The following ZFYVE28 variants were observed in gnomAD, a reference collection of about 807,000 sequenced individuals.
ZFYVE28 encodes the protein zinc finger FYVE-type containing 28, also known as lateral signaling target protein 2 homolog.
In ZFYVE28, 40 loss-of-function variants were observed where a neutral mutation model predicts 82.1. The ratio of observed to expected loss-of-function variants is 0.49; its 90% CI spans 0.38 to 0.63. The LOEUF is 0.63. ZFYVE28 is among the 30% of genes least tolerant of loss of function. The pLI, the probability that ZFYVE28 is intolerant of heterozygous loss-of-function variation, is 0.00. For synonymous variants in ZFYVE28, 612 were observed against 546.1 expected (o/e 1.12, Z -1.68); for missense variants, 1,321 against 1,242.1 (o/e 1.06, Z -0.96).
At chr4:2,370,901 G>C (rs1263120339) in intron 1 of ZFYVE28, among the ~76,000 whole-genome samples, 1 of 152,222 alleles carries the variant, frequency 6.6e-6, no homozygotes, top group Non-Finnish European at 1.5e-5. Flanking sequence ...GTGTGTCTCG[G>C]ATCTTCCTGT....
chr4:2,354,993 C>T (rs1031331593), intron 1 of ZFYVE28, among the ~76,000 whole-genome samples: 9 of 151,136 alleles, frequency 6.0e-5, no homozygotes, highest in Non-Finnish European at 1.3e-4. Context: ...CCACCAAACA[C>T]GCAGGGGCTC....
At chr4:2,385,383 C>T (rs1480609512) in intron 1 of ZFYVE28, among the ~76,000 whole-genome samples, 1 of 152,182 alleles carries the variant, frequency 6.6e-6, no homozygotes, top group Admixed American at 6.5e-5. Context: ...GAGAGAGCAC[C>T]TGCTGCCCTT....
intron 6 of ZFYVE28, among the ~76,000 whole-genome samples, chr4:2,327,413 C>G (rs1047750784): frequency 6.6e-6 from 1 of 151,084 alleles, no homozygotes; most frequent in Admixed American, 6.6e-5. Context: ...ACTTTCAATA[C>G]TATATTTAAT....
intron 1 of ZFYVE28, among the ~76,000 whole-genome samples, chr4:2,382,764 T>C (rs74494736): frequency 0.021 from 3,153 of 152,270 alleles, 118 homozygotes; most frequent in African/African-American, 0.068. Context: ...AGTCCATTTT[T>C]AGGCTGCTGA....
At chr4:2,375,312 G>A (rs1728003859) in intron 1 of ZFYVE28, among the ~76,000 whole-genome samples, 1 of 152,184 alleles carries the variant, frequency 6.6e-6, no homozygotes, top group Non-Finnish European at 1.5e-5. Context: ...TGCATCAGTA[G>A]GGGGTTAAGT....
chr4:2,279,591 A>G (rs1300063754), intron 8 of ZFYVE28, among the ~76,000 whole-genome samples: 4 of 152,152 alleles, frequency 2.6e-5, no homozygotes, highest in African/African-American at 7.2e-5. Context: ...CATCCTGGCT[A>G]ACACGATGAA....
In ZFYVE28 at chr4:2,274,160, G is replaced by A. The variant is rs755853078; in HGVS notation, c.2108C>T (p.Ala703Val). ...SDKMGPEAAP[A>V]ATHAAPQATR... ...GGCCTGTGGGGCAGCATGCGTGGCTGCTGGGGCCGCCTCTGGCCCCATCTT... is the reference window on the plus strand; with the variant it reads ...GGCCTGTGGGGCAGCATGCGTGGCTACTGGGGCCGCCTCTGGCCCCATCTT... Residue 703 changes from alanine (A) to valine (V), a missense_variant, in exon 9 of 13, where the codon GCA becomes GTA. By Grantham distance (64) the Ala-to-Val change is moderately conservative. Coordinates refer to ENST00000290974, the MANE Select transcript of ZFYVE28 (RefSeq NM_020972.3). The A allele has an allele frequency of 1.2e-6, 2 of 1,613,488 alleles. No individual in the cohort carries two copies. Among genetic ancestry groups the A allele is most frequent in the African/African-American group, 1.3e-5 (1 of 75,054 alleles).
At chr4:2,318,279 T>C (rs1041747167) in intron 7 of ZFYVE28, among the ~76,000 whole-genome samples, 9 of 152,120 alleles carry the variant, frequency 5.9e-5, no homozygotes, top group African/African-American at 1.9e-4. Context: ...ATCTTTTGGC[T>C]GGTCGCAGTG....
rs1035787043 is a variant in ZFYVE28 at position 2,339,736 on chromosome 4, C to T, written c.319-81G>A. 16 of 1,396,206 alleles carry T rather than the reference C, an allele frequency of 1.1e-5. No individual in the cohort carries two copies. Among genetic ancestry groups the T allele is most frequent in the East Asian group, 2.5e-5 (1 of 40,006 alleles). 86.5% of individuals were successfully genotyped at this position (1,396,206 alleles called of 1,614,324 possible). On this transcript the variant is annotated intron_variant, in intron 3 of 12. Transcript: ENST00000290974. The surrounding 1 kb of genome is among the most constrained non-coding windows in gnomAD (Gnocchi z 5.0). ...GTCGCCGACCCGGGGAACCTGACTG[C>T]GCACCTCGGGGCCCCTCTTCTCACC...
chr4:2,381,603 C>T (rs898487877), intron 1 of ZFYVE28, among the ~76,000 whole-genome samples: 16 of 152,124 alleles, frequency 1.1e-4, no homozygotes, highest in African/African-American at 3.9e-4. Flanking sequence ...GATGGGGTTC[C>T]ACCGTATTGG....
At chr4:2,295,022 C>G (rs148454605) in intron 8 of ZFYVE28, among the ~76,000 whole-genome samples, 274 of 152,130 alleles carry the variant, frequency 1.8e-3, no homozygotes, top group Non-Finnish European at 2.9e-3. Flanking sequence ...AAAACTACAA[C>G]GAGGTACCAC....
chr4:2,406,048 A>AG (rs1731861245), intron 1 of ZFYVE28, among the ~76,000 whole-genome samples: 1 of 103,272 alleles, frequency 9.7e-6, no homozygotes, highest in Admixed American at 8.9e-5. Context: ...ATTCTGTCTC[A>AG]AAAAAAAAAA....
chr4:2,318,055 G>A (rs1718489779), intron 7 of ZFYVE28, among the ~76,000 whole-genome samples: 1 of 152,220 alleles, frequency 6.6e-6, no homozygotes, highest in Non-Finnish European at 1.5e-5. Context: ...CCCCCAAGCT[G>A]CCAGCCTGTT....
At chr4:2,289,848 C>T (rs1441113426) in intron 8 of ZFYVE28, among the ~76,000 whole-genome samples, 4 of 152,140 alleles carry the variant, frequency 2.6e-5, no homozygotes, top group Non-Finnish European at 5.9e-5. Flanking sequence ...GGTCAGTCAT[C>T]ACGGTGGTGT....
chr4:2,334,753 T>TCC (rs1283199347), intron 6 of ZFYVE28, among the ~76,000 whole-genome samples: 2 of 4,676 alleles, frequency 4.3e-4, no homozygotes, highest in East Asian at 0.012. Flanking sequence ...CCCTTCCCCC[T>TCC]CCCCTTCCCC....
At chr4:2,292,257 G>A (rs1713837144) in intron 8 of ZFYVE28, among the ~76,000 whole-genome samples, 1 of 152,206 alleles carries the variant, frequency 6.6e-6, no homozygotes, top group South Asian at 2.1e-4. Context: ...CTTGAAGGCA[G>A]CTGTGGGACT....
chr4:2,360,111 A>G (rs1725911347), intron 1 of ZFYVE28, among the ~76,000 whole-genome samples: 1 of 152,092 alleles, frequency 6.6e-6, no homozygotes, highest in Non-Finnish European at 1.5e-5. Context: ...CTCTGACGGT[A>G]TAATTGCCTG....
intron 8 of ZFYVE28, among the ~76,000 whole-genome samples, chr4:2,303,210 G>C (rs1245649339): frequency 2.0e-5 from 3 of 152,122 alleles, no homozygotes; most frequent in Non-Finnish European, 4.4e-5. Flanking sequence ...GACCGTCACG[G>C]GACCCTGGTC....
intron 1 of ZFYVE28, among the ~76,000 whole-genome samples, chr4:2,413,394 C>T (rs1241559458): frequency 3.3e-5 from 5 of 152,334 alleles, no homozygotes; most frequent in African/African-American, 7.2e-5. Flanking sequence ...GCAGAGCCGC[C>T]GGGGGAGCCC....
Sources: gnomAD v4.1 joint callset for allele counts (sites outside exome capture counted in the v4.1 genomes callset) on GRCh38, gnomAD v4.1.1 for gene constraint, Gnocchi (gnomAD v3.1) non-coding constraint, MANE v1.5 for transcripts, NCBI Gene and HGNC (gene_info 2026-07-23, HGNC 2026-07-21) for gene names.